The following FBXL4 variants were observed in gnomAD, a reference collection of about 807,000 sequenced individuals.
FBXL4 encodes F-box/LRR-repeat protein 4.
A neutral mutation model predicts 58.9 loss-of-function variants in FBXL4; 40 were observed. The ratio of observed to expected loss-of-function variants is 0.68; its 90% CI spans 0.53 to 0.88. The LOEUF is 0.88. Ranked by LOEUF, FBXL4 falls within the 40% of genes least tolerant of loss-of-function variation. The pLI, the probability that FBXL4 is intolerant of heterozygous loss-of-function variation, is 0.00. For synonymous variants in FBXL4, 263 were observed against 265.5 expected, an observed-to-expected ratio of 0.99 and a Z score of 0.09; for missense variants, 676 against 734.4, an observed-to-expected ratio of 0.92 and a Z score of 0.92.
At position 98,870,578 on chromosome 6, in the gene FBXL4, C is replaced by A. The variant is rs1012382232; in HGVS notation, c.*3700G>T. 1 of 152,142 alleles carries A rather than the reference C, an allele frequency of 6.6e-6. No individual in the cohort carries two copies. The highest frequency in any genetic ancestry group is 2.4e-5 in the African/African-American group (1 of 41,426). 9.4% of individuals were successfully genotyped at this position (152,142 alleles called of 1,614,324 possible). On this transcript the variant is annotated 3_prime_UTR_variant, in exon 10 of 10. Transcript: ENST00000369244. The stretch of plus-strand genomic sequence containing the variant: ...AAAACTGCAGTAATGCAGTTACCAG[C>A]ATTTTGAGTGCCACATATGTTGTCA...
At chr6:98,898,829 A>T in intron 7 of FBXL4, 3 of 985,306 alleles carry the variant, frequency 3.0e-6, no homozygotes, top group Non-Finnish European at 3.6e-6. Context: ...ATATGACATG[A>T]TTCCTTTTTA....
intron 5 of FBXL4, among the ~76,000 whole-genome samples, chr6:98,906,339 C>T (rs1177590980): frequency 2.0e-5 from 3 of 151,880 alleles, no homozygotes; most frequent in Non-Finnish European, 2.9e-5. Context: ...CCACCACCCC[C>T]CAACAGGCCC....
intron 1 of FBXL4, among the ~76,000 whole-genome samples, chr6:98,943,821 C>CA (rs938386162): frequency 4.6e-5 from 7 of 152,066 alleles, no homozygotes; most frequent in South Asian, 4.1e-4. Flanking sequence ...GACTCCCAGC[C>CA]AAAAAATCAC....
chr6:98,922,264 GA>G (rs1332924368), intron 4 of FBXL4, among the ~76,000 whole-genome samples: 2 of 152,140 alleles, frequency 1.3e-5, no homozygotes, highest in African/African-American at 4.8e-5. Context: ...GGCAAGAAAT[GA>G]GGAGACTTTA....
At chr6:98,931,132 T>C (rs1336170605) in intron 2 of FBXL4, among the ~76,000 whole-genome samples, 1 of 152,222 alleles carries the variant, frequency 6.6e-6, no homozygotes, top group Non-Finnish European at 1.5e-5. Context: ...GTCTATAAAT[T>C]GCTTCAACTA....
chr6:98,917,805 CACAGTGTGAA>C, intron 4 of FBXL4, 86 bp from the exon 5 acceptor site: 1 of 871,998 alleles, frequency 1.1e-6, no homozygotes, highest in Admixed American at 2.7e-5. Context: ...CCCAATATGT[CACAGTGTGAA>C]ACAAAGTCAT....
intron 2 of FBXL4, among the ~76,000 whole-genome samples, chr6:98,933,894 T>C (rs1015883131): frequency 2.6e-5 from 4 of 152,228 alleles, no homozygotes; most frequent in African/African-American, 7.2e-5. Flanking sequence ...AAATGTTCCA[T>C]ATCTTGATAC....
chr6:98,934,241 T>A (rs1358965787), intron 2 of FBXL4, among the ~76,000 whole-genome samples: 1 of 152,102 alleles, frequency 6.6e-6, no homozygotes, highest in African/African-American at 2.4e-5. Flanking sequence ...TATGGAGAAC[T>A]GGAAAAACTA....
Position 98,891,722 on chromosome 6 carries a change from CAAA to C in FBXL4, c.1317+7543_1317+7545del, listed in dbSNP as rs34788813. On this transcript the variant is annotated intron_variant, in intron 7 of 9. Coordinates refer to ENST00000369244, the MANE Select transcript of FBXL4 (RefSeq NM_001278716.2). ...AAACACAGTGAGACCCTATCTCTAC[CAAA>C]AAAAAAAAAAAAAAAAATTTAAAGA... 8.7e-4 allele frequency among the ~76,000 whole-genome samples: 94 copies of C among 108,374 alleles called. 1 individual carries two copies. Among genetic ancestry groups the C allele is most frequent in the East Asian group, 5.4e-3 (24 of 4,458 alleles). The allele number at this position is 108,374 out of a possible 152,430, so 71.1% of individuals were successfully genotyped here. A position where few individuals can be genotyped will look rare whatever the true frequency, so the allele number is the denominator to read the frequency against.
intron 6 of FBXL4, among the ~76,000 whole-genome samples, chr6:98,900,273 G>T (rs1582395103): frequency 6.6e-6 from 1 of 152,136 alleles, no homozygotes; most frequent in East Asian, 1.9e-4. Context: ...TAAGCAAACT[G>T]AACCCTCTTA....
chr6:98,926,734 G>A lies in FBXL4; in HGVS notation c.255C>T (p.Phe85=). The change falls in exon 4 of 10, where the codon TTC becomes TTT. Residue 85 remains phenylalanine (F), a synonymous_variant. Transcript: ENST00000369244. ...MWNLAGVPNV[F]PSSGDFTQTA... is the part of the protein sequence containing the mutation. ...TCTGAGTAAAGTCACCAGAACTTGG[G>A]AATACATTTGGTACACCAGCCAAAT... 4.3e-6 allele frequency: 7 copies of A among 1,614,172 alleles called. No homozygotes were observed. The highest frequency in any genetic ancestry group is 5.9e-6 in the Non-Finnish European group (7 of 1,180,038).
At chr6:98,892,979 T>C (rs1464906900) in intron 7 of FBXL4, among the ~76,000 whole-genome samples, 4 of 152,192 alleles carry the variant, frequency 2.6e-5, no homozygotes, top group African/African-American at 4.8e-5. Context: ...GGTGTTCCAT[T>C]TATAACTCCA....
chr6:98,883,057 G>C (rs908556328), intron 7 of FBXL4, among the ~76,000 whole-genome samples: 2 of 152,006 alleles, frequency 1.3e-5, no homozygotes, highest in Admixed American at 6.5e-5. Context: ...TCTCCCATCA[G>C]TACTGTAAGA....
intron 7 of FBXL4, among the ~76,000 whole-genome samples, chr6:98,894,252 C>T (rs756704451): frequency 2.6e-5 from 4 of 152,128 alleles, no homozygotes; most frequent in South Asian, 4.1e-4. Flanking sequence ...AATGCTTTAT[C>T]GTACCTAATA....
chr6:98,896,052 A>G (rs375344142), intron 7 of FBXL4, among the ~76,000 whole-genome samples: 1 of 152,170 alleles, frequency 6.6e-6, no homozygotes, highest in East Asian at 1.9e-4. Context: ...CTCTCCAAGA[A>G]AACTAAAATT....
chr6:98,934,007 T>C (rs1773108366), intron 2 of FBXL4, among the ~76,000 whole-genome samples: 1 of 152,216 alleles, frequency 6.6e-6, no homozygotes, highest in African/African-American at 2.4e-5. Context: ...AGTACATATA[T>C]TGAAATTTTA....
rs2128373610 is a variant in FBXL4, at chr6:98,872,434, TCAG to T, written c.*1841_*1843del. The T allele has an allele frequency of 6.6e-6, 1 of 152,290 alleles. No individual in the cohort carries two copies. Among genetic ancestry groups the T allele is most frequent in the South Asian group, 2.1e-4 (1 of 4,828 alleles). 9.4% of individuals were successfully genotyped at this position (152,290 alleles called of 1,614,324 possible). A position where few individuals can be genotyped will look rare whatever the true frequency, so the allele number is the denominator to read the frequency against. Reference sequence around the variant, plus strand: ...AAAATACATAAAATCTTATTACAGATCAGCATTAACAAATGAGTACTTACAATC... The same window carrying T: ...AAAATACATAAAATCTTATTACAGATCATTAACAAATGAGTACTTACAATC... On this transcript the variant is annotated 3_prime_UTR_variant, in exon 10 of 10. Coordinates refer to ENST00000369244, the MANE Select transcript of FBXL4 (RefSeq NM_001278716.2).
intron 1 of FBXL4, among the ~76,000 whole-genome samples, chr6:98,943,820 C>T (rs1009884797): frequency 6.6e-6 from 1 of 151,966 alleles, no homozygotes; most frequent in Non-Finnish European, 1.5e-5. Flanking sequence ...AGACTCCCAG[C>T]CAAAAAATCA....
At chr6:98,874,821 T>A (rs1056092880) in intron 9 of FBXL4, among the ~76,000 whole-genome samples, 1 of 152,194 alleles carries the variant, frequency 6.6e-6, no homozygotes, top group African/African-American at 2.4e-5. Flanking sequence ...AAAGTATCAA[T>A]TGTGTGGACA....
Sources: gnomAD v4.1 joint callset for allele counts (sites outside exome capture counted in the v4.1 genomes callset) on GRCh38, gnomAD v4.1.1 for gene constraint, MANE v1.5 for transcripts, NCBI Gene and HGNC (gene_info 2026-07-23, HGNC 2026-07-21) for gene names.